LRP1B: variants seen among roughly 807,000 people sequenced by gnomAD.
LRP1B encodes the protein low-density lipoprotein receptor-related protein 1B.
A neutral mutation model predicts 556.6 loss-of-function variants in LRP1B; 217 were observed. The observed-to-expected ratio is 0.39, with a 90% confidence interval of 0.35 to 0.44. The LOEUF is 0.44. Ranked by LOEUF, LRP1B falls within the 20% of genes least tolerant of loss-of-function variation. The pLI, the probability that LRP1B is intolerant of heterozygous loss-of-function variation, is 1.00. For synonymous variants in LRP1B, 2,047 were observed against 1,865.8 expected, an observed-to-expected ratio of 1.10 and a Z score of -2.50; for missense variants, 5,053 against 5,620.8, an observed-to-expected ratio of 0.90 and a Z score of 3.23.
intron 2 of LRP1B, among the ~76,000 whole-genome samples, chr2:141,706,588 T>C (rs1692147745): frequency 6.6e-6 from 1 of 152,118 alleles, no homozygotes; most frequent in Non-Finnish European, 1.5e-5. Context: ...TTTTCCTCCA[T>C]TTCTTACTGA....
intron 1 of LRP1B, among the ~76,000 whole-genome samples, chr2:141,856,594 G>C (rs530080654): frequency 6.6e-6 from 1 of 152,206 alleles, no homozygotes; most frequent in Non-Finnish European, 1.5e-5. Context: ...AACTATTTTT[G>C]TGACTATTCA....
At chr2:142,089,433 G>A (rs1222658479) in intron 1 of LRP1B, among the ~76,000 whole-genome samples, 1 of 152,200 alleles carries the variant, frequency 6.6e-6, no homozygotes, top group African/African-American at 2.4e-5. Flanking sequence ...GGTTGGAAAA[G>A]TCTTCTTGGA....
At chr2:141,460,083 TC>T (rs1374722471) in intron 3 of LRP1B, among the ~76,000 whole-genome samples, 1 of 152,256 alleles carries the variant, frequency 6.6e-6, no homozygotes, top group East Asian at 1.9e-4. Context: ...TTTAGCTGCT[TC>T]CTAAGATTGT....
At chr2:140,417,583 G>T (rs1475833456) in intron 66 of LRP1B, among the ~76,000 whole-genome samples, 2 of 152,142 alleles carry the variant, frequency 1.3e-5, no homozygotes, top group Non-Finnish European at 2.9e-5. Flanking sequence ...CACCACAGCT[G>T]CAGAACTATT....
chr2:141,938,136 C>A (rs886290865), intron 1 of LRP1B, among the ~76,000 whole-genome samples: 1 of 151,798 alleles, frequency 6.6e-6, no homozygotes, highest in Non-Finnish European at 1.5e-5. Context: ...CTTCTGCCTA[C>A]CGAAGGAAAC....
chr2:140,872,103 A>T (rs1573826180), intron 25 of LRP1B, among the ~76,000 whole-genome samples: 2 of 138,798 alleles, frequency 1.4e-5, no homozygotes, highest in Admixed American at 7.2e-5. Context: ...TTTTTTGAGC[A>T]AAAGTTTTTT....
chr2:142,059,586 T>A (rs1704823631), intron 1 of LRP1B, among the ~76,000 whole-genome samples: 1 of 152,076 alleles, frequency 6.6e-6, no homozygotes, highest in Non-Finnish European at 1.5e-5. Context: ...TTTTTAGGGA[T>A]AATTTGATTT....
At chr2:141,112,049 A>G (rs1424276852) in intron 7 of LRP1B, among the ~76,000 whole-genome samples, 1 of 85,158 alleles carries the variant, frequency 1.2e-5, no homozygotes, top group Non-Finnish European at 2.6e-5. Flanking sequence ...CTGCCTCAAA[A>G]ATAAATAAAT....
At chr2:141,328,859 G>A (rs1687527450) in intron 3 of LRP1B, among the ~76,000 whole-genome samples, 1 of 152,142 alleles carries the variant, frequency 6.6e-6, no homozygotes, top group Admixed American at 6.5e-5. Flanking sequence ...GTGGGAGGTG[G>A]TTGTGAGTGT....
At chr2:141,123,235 G>C (rs1445153578) in intron 7 of LRP1B, among the ~76,000 whole-genome samples, 1 of 127,018 alleles carries the variant, frequency 7.9e-6, no homozygotes, top group Non-Finnish European at 1.7e-5. Context: ...AGAACTTAAA[G>C]TATAATAAAA....
intron 1 of LRP1B, among the ~76,000 whole-genome samples, chr2:142,083,929 C>A (rs554453354): frequency 6.6e-6 from 1 of 151,048 alleles, no homozygotes; most frequent in Non-Finnish European, 1.5e-5. Context: ...TTCTGAACTT[C>A]TGTGCTATAT....
intron 86 of LRP1B, among the ~76,000 whole-genome samples, chr2:140,269,037 A>G (rs1024844286): frequency 3.3e-5 from 5 of 152,020 alleles, no homozygotes; most frequent in Non-Finnish European, 7.4e-5. Flanking sequence ...TTTATTAGAC[A>G]GTTCCACAAG....
At chr2:141,532,665 AAAAGAG>A (rs1424888727) in intron 2 of LRP1B, among the ~76,000 whole-genome samples, 3 of 152,082 alleles carry the variant, frequency 2.0e-5, no homozygotes, top group African/African-American at 7.2e-5. Flanking sequence ...ATTTGGGATT[AAAAGAG>A]AGACTCACAG....
At chr2:140,378,680 T>C (rs866411912) in intron 67 of LRP1B, among the ~76,000 whole-genome samples, 2 of 152,212 alleles carry the variant, frequency 1.3e-5, no homozygotes, top group Admixed American at 6.5e-5. Context: ...TCTGTACCCA[T>C]TGGACTGTTT....
chr2:141,232,805 G>A (rs1325163014), intron 5 of LRP1B, among the ~76,000 whole-genome samples: 1 of 152,088 alleles, frequency 6.6e-6, no homozygotes, highest in Non-Finnish European at 1.5e-5. Context: ...ATCTTCATGG[G>A]TCTCTGCTAA....
rs868206888 is a variant in LRP1B, at chr2:141,058,734, C to G, written c.1408+149G>C. 7.5e-5 allele frequency: 37 copies of G among 491,196 alleles called. 1 individual carries two copies. The Middle Eastern group carries it at 7.4e-3, about 98-fold the overall frequency. The allele number at this position is 491,196 out of a possible 1,614,324, so 30.4% of individuals were successfully genotyped here. On this transcript the variant is annotated intron_variant, in intron 9 of 90. Coordinates refer to ENST00000389484, the MANE Select transcript of LRP1B (RefSeq NM_018557.3). Reference sequence around the variant, plus strand: ...GTCATTTAGACTTGTGACGGGAGCTCTATTCCATTTAACAAGCAGACATGC... The same window carrying G: ...GTCATTTAGACTTGTGACGGGAGCTGTATTCCATTTAACAAGCAGACATGC...
intron 41 of LRP1B, among the ~76,000 whole-genome samples, chr2:140,653,698 T>A (rs924503633): frequency 2.0e-5 from 3 of 151,818 alleles, no homozygotes; most frequent in African/African-American, 7.3e-5. Context: ...TATACATGTA[T>A]GGAGATAAAT....
At position 140,989,760 on chromosome 2, in the gene LRP1B, C is replaced by T. The variant is rs1005733242; in HGVS notation, c.2645-103G>A. The T allele has an allele frequency of 3.8e-6, 4 of 1,064,176 alleles. No individual in the cohort carries two copies. The Admixed American group carries it at 6.2e-5, about 17-fold the overall frequency. 65.9% of individuals were successfully genotyped at this position (1,064,176 alleles called of 1,614,324 possible). On this transcript the variant is annotated intron_variant, in intron 16 of 90. Coordinates refer to ENST00000389484, the MANE Select transcript of LRP1B (RefSeq NM_018557.3). ...AAGTTACAGTAATAATATTATAGTA[C>T]AATAAATGTCATAGAGTCTGTCATT...
chr2:141,726,636 TG>T (rs1328055522), intron 2 of LRP1B, among the ~76,000 whole-genome samples: 1 of 152,052 alleles, frequency 6.6e-6, no homozygotes, highest in Non-Finnish European at 1.5e-5. Context: ...CAGAAGAATT[TG>T]TAACTATCCA....
Sources: allele counts gnomAD v4.1 joint callset (sites outside exome capture counted in the v4.1 genomes callset), GRCh38; gene constraint gnomAD v4.1.1; transcripts MANE v1.5; gene names NCBI Gene and HGNC (gene_info 2026-07-23, HGNC 2026-07-21).